The following SLC30A10 variants were observed in gnomAD, a reference collection of about 807,000 sequenced individuals.
SLC30A10 encodes calcium/manganese antiporter SLC30A10.
A neutral mutation model predicts 21.7 loss-of-function variants in SLC30A10; 8 were observed. That is an observed-to-expected ratio of 0.37 (90% CI 0.22 to 0.67). The LOEUF is 0.67. SLC30A10 is among the 30% of genes least tolerant of loss of function. The pLI is 0.58. For missense variants in SLC30A10, 521 were observed against 642.5 expected, an observed-to-expected ratio of 0.81 and a Z score of 2.04; for synonymous variants, 272 against 279.4, an observed-to-expected ratio of 0.97 and a Z score of 0.26.
chr1:219,954,954 A>G (rs1389725055), intron 1 of SLC30A10, among the ~76,000 whole-genome samples: 1 of 152,156 alleles, frequency 6.6e-6, no homozygotes, highest in East Asian at 1.9e-4. Context: ...AAGGGCATGG[A>G]GGGTTTTAGT....
chr1:219,936,485 T>C (rs75834048), intron 1 of SLC30A10, among the ~76,000 whole-genome samples: 4,121 of 152,254 alleles, frequency 0.027, 81 homozygotes, highest in Middle Eastern at 0.072. Context: ...CTTTGTCCCC[T>C]TGGATACAGA....
chr1:219,940,303 C>T (rs935833661), intron 1 of SLC30A10, among the ~76,000 whole-genome samples: 2 of 152,146 alleles, frequency 1.3e-5, no homozygotes, highest in Admixed American at 6.5e-5. Flanking sequence ...CCTTCCAGCC[C>T]GGATGCCAGA....
At chr1:219,916,892 G>A (rs1030548571) in intron 3 of SLC30A10, among the ~76,000 whole-genome samples, 1 of 151,416 alleles carries the variant, frequency 6.6e-6, no homozygotes, top group African/African-American at 2.4e-5. Flanking sequence ...TATAAGTAAA[G>A]CACTTGGAAC....
intron 1 of SLC30A10, among the ~76,000 whole-genome samples, chr1:219,954,450 C>T (rs923494765): frequency 2.0e-5 from 3 of 151,916 alleles, no homozygotes; most frequent in African/African-American, 2.4e-5. Flanking sequence ...GAGGCTGAGG[C>T]GGGTGGATCA....
At chr1:219,927,675 C>CAAAAAA in intron 1 of SLC30A10, 126 bp downstream of exon 1, 1 of 402,946 alleles carries the variant, frequency 2.5e-6, no homozygotes, top group Non-Finnish European at 3.4e-6. Flanking sequence ...AAAACAACAA[C>CAAAAAA]AACAAAAAAA....
At chr1:219,953,307 C>T (rs768625086) in intron 1 of SLC30A10, among the ~76,000 whole-genome samples, 11 of 151,968 alleles carry the variant, frequency 7.2e-5, no homozygotes, top group South Asian at 2.1e-4. Flanking sequence ...TTTGAAAAGC[C>T]ACCTTCAGGC....
chr1:219,951,147 G>C (rs1021873706), intron 1 of SLC30A10, among the ~76,000 whole-genome samples: 1 of 151,968 alleles, frequency 6.6e-6, no homozygotes, highest in African/African-American at 2.4e-5. Flanking sequence ...TTTTTGTAGA[G>C]GTGAGTCCTC....
chr1:219,936,000 C>T (rs894440046), intron 1 of SLC30A10, among the ~76,000 whole-genome samples: 2 of 152,164 alleles, frequency 1.3e-5, no homozygotes, highest in African/African-American at 4.8e-5. Flanking sequence ...CTTCTTTTGC[C>T]ATCATGACCT....
chr1:219,939,653 C>T (rs1036445280), intron 1 of SLC30A10, among the ~76,000 whole-genome samples: 1 of 152,290 alleles, frequency 6.6e-6, no homozygotes, highest in African/African-American at 2.4e-5. Context: ...TGGTCTTGAA[C>T]TCCTGACTTC....
intron 1 of SLC30A10, among the ~76,000 whole-genome samples, chr1:219,958,041 G>A (rs1020320547): frequency 1.2e-4 from 18 of 151,806 alleles, no homozygotes; most frequent in African/African-American, 3.9e-4. Context: ...TTTTTCTCTC[G>A]CCATTTTACA....
At chr1:219,945,745 T>C (rs1660178206) in intron 1 of SLC30A10, among the ~76,000 whole-genome samples, 1 of 152,192 alleles carries the variant, frequency 6.6e-6, no homozygotes, top group Admixed American at 6.5e-5. Context: ...CCAGATGGGA[T>C]TTTTTAAAAA....
rs780665153 is a variant in SLC30A10 at position 219,927,881 on chromosome 1, G to A, written c.560C>T (p.Ser187Leu). The change falls in exon 1 of 4, where the codon TCG becomes TTG. Residue 187 changes from serine (S) to leucine (L), a missense_variant. Physicochemically the swap from Ser to Leu is moderately radical, Grantham distance 145. Coordinates refer to ENST00000366926, the MANE Select transcript of SLC30A10 (RefSeq NM_018713.3). ...CCCCCGGAGGGTTACGGCCGAGTCC[G>A]AGCCTGGGGCTGTCGGGTCCGCCGC... ...RRAADPTAPG[S>L]DSAVTLRGTS... is the part of the protein sequence containing the mutation. The A allele has an allele frequency of 9.1e-6, 14 of 1,542,640 alleles. No individual in the cohort carries two copies. The Admixed American group carries it at 9.9e-5, about 11-fold the overall frequency.
At chr1:219,927,693 A>C in intron 1 of SLC30A10, 108 bp downstream of exon 1, 2 of 929,238 alleles carry the variant, frequency 2.2e-6, no homozygotes, top group Non-Finnish European at 1.4e-6. Context: ...AAAAAAAAAC[A>C]GAAAAAAAGC....
At chr1:219,927,746 G>C (rs1238486566) in intron 1 of SLC30A10, 55 bp downstream of exon 1, 8 of 1,434,912 alleles carry the variant, frequency 5.6e-6, no homozygotes, top group Middle Eastern at 1.8e-4. Flanking sequence ...GAAAGGGACC[G>C]GGTGGGAGGA....
intron 3 of SLC30A10, among the ~76,000 whole-genome samples, chr1:219,916,865 G>T (rs1030400889): frequency 4.6e-5 from 7 of 151,648 alleles, no homozygotes; most frequent in Non-Finnish European, 7.4e-5. Context: ...ATTATTTTAA[G>T]GATTAAAATG....
chr1:219,953,421 T>G (rs181867919), intron 1 of SLC30A10, among the ~76,000 whole-genome samples: 170 of 151,454 alleles, frequency 1.1e-3, no homozygotes, highest in Admixed American at 2.6e-3. Context: ...ACGGTGAAAC[T>G]CCGTCTCTAC....
intron 2 of SLC30A10, among the ~76,000 whole-genome samples, chr1:219,919,512 A>C (rs995222675): frequency 2.0e-5 from 3 of 152,032 alleles, no homozygotes; most frequent in Non-Finnish European, 2.9e-5. Flanking sequence ...GTGGTGGCTC[A>C]CTCCTGTAAT....
At chr1:219,949,622 G>T (rs1418469415) in intron 1 of SLC30A10, among the ~76,000 whole-genome samples, 4 of 152,076 alleles carry the variant, frequency 2.6e-5, no homozygotes, top group African/African-American at 9.7e-5. Flanking sequence ...AGCGGGAAGG[G>T]ATAGCTTTAG....
upstream of SLC30A10, among the ~76,000 whole-genome samples, chr1:219,930,197 C>A (rs138755132): frequency 1.3e-5 from 2 of 151,312 alleles, no homozygotes; most frequent in African/African-American, 4.9e-5. Context: ...ACAGGTCAGG[C>A]GTGGTGGCTT....
Sources: gnomAD v4.1 joint callset for allele counts (sites outside exome capture counted in the v4.1 genomes callset) on GRCh38, gnomAD v4.1.1 for gene constraint, MANE v1.5 for transcripts, NCBI Gene and HGNC (gene_info 2026-07-23, HGNC 2026-07-21) for gene names.